CFAP43: variants seen among roughly 807,000 people sequenced by gnomAD.
The protein encoded by CFAP43 is cilia and flagella associated protein 43, also known as cilia- and flagella-associated protein 43.
A neutral mutation model predicts 218.9 loss-of-function variants in CFAP43; 155 were observed. The ratio of observed to expected loss-of-function variants is 0.71; its 90% CI spans 0.62 to 0.81. The LOEUF (loss-of-function observed/expected upper bound fraction) is 0.81. CFAP43 is among the 30% of genes least tolerant of loss of function. The pLI, the probability that CFAP43 is intolerant of heterozygous loss-of-function variation, is 0.00. For synonymous variants in CFAP43, 645 were observed against 681.3 expected (o/e 0.95, Z 0.83); for missense variants, 1,778 against 1,954.3 (o/e 0.91, Z 1.70).
In CFAP43 at chr10:104,211,996, C is replaced by T. The variant is rs2090877007; in HGVS notation, c.735+11G>A. 4 of 1,609,548 alleles carry T rather than the reference C, an allele frequency of 2.5e-6. No homozygotes were observed. In the South Asian group the frequency reaches 4.4e-5, roughly 18 times the overall value. On this transcript the variant is annotated intron_variant, in intron 5 of 37. Transcript: ENST00000357060. ...CCATTAGGCAAACAGGAAGAGGTGCCAGGTAATTACCCGGAAAGTCTCTGC... is the reference window on the plus strand; with the variant it reads ...CCATTAGGCAAACAGGAAGAGGTGCTAGGTAATTACCCGGAAAGTCTCTGC...
At chr10:104,190,029 G>A (rs781329297) in intron 12 of CFAP43, among the ~76,000 whole-genome samples, 48 of 151,854 alleles carry the variant, frequency 3.2e-4, no homozygotes, top group Non-Finnish European at 4.7e-4. Flanking sequence ...TTAGCCTGGC[G>A]CGGTGGCGGG....
intron 23 of CFAP43, among the ~76,000 whole-genome samples, chr10:104,165,294 AG>A (rs2089096819): frequency 6.6e-6 from 1 of 152,228 alleles, no homozygotes; most frequent in South Asian, 2.1e-4. Context: ...AAACCATTAA[AG>A]CAAGGTGAAA....
chr10:104,145,586 G>A, intron 30 of CFAP43, 22 bp from the exon 31 acceptor site: 1 of 1,529,666 alleles, frequency 6.5e-7, no homozygotes, highest in Non-Finnish European at 9.0e-7. Context: ...CATGACATTT[G>A]AGGACTGCAA....
chr10:104,176,150 G>A (rs1417528716), intron 19 of CFAP43, among the ~76,000 whole-genome samples: 1 of 152,076 alleles, frequency 6.6e-6, no homozygotes, highest in Non-Finnish European at 1.5e-5. Context: ...CTTGGTATTG[G>A]CTCAAGAAAA....
In CFAP43 at chr10:104,225,719, C is replaced by G. The variant is rs1413619747; in HGVS notation, c.320-162G>C. On this transcript the variant is annotated intron_variant, in intron 2 of 37. Transcript: ENST00000357060. ...CCTGGCTAATTTCTAAGACCATGAA[C>G]AGAAAGCTTAGAGCAAAGCTAAGAT... 3.9e-5 allele frequency among the ~76,000 whole-genome samples: 6 copies of G among 152,250 alleles called. No homozygotes were observed. The East Asian group carries it at 1.2e-3, about 29-fold the overall frequency.
At position 104,152,607 on chromosome 10, in the gene CFAP43, C is replaced by G; in HGVS notation, c.3660G>C (p.Gln1220His). ...RRVKAEMVTNQEELKISNLAF... is the reference protein window; with the variant it reads ...RRVKAEMVTNHEELKISNLAF... ...TCACATAAGTAAAGCTTTTATTTAC[C>G]TGGTTGGTAACCATCTCTGCCTTCA... is the stretch of plus-strand genomic sequence containing the variant. Residue 1220 changes from glutamine to histidine, a missense_variant and splice_region_variant, in exon 28 of 38, where the codon CAG (glutamine) becomes CAC (histidine). Coordinates refer to ENST00000357060, the MANE Select transcript of CFAP43 (RefSeq NM_025145.7). 6.2e-7 allele frequency: 1 copy of G among 1,613,200 alleles called. No individual in the cohort carries two copies. The highest frequency in any genetic ancestry group is 8.5e-7 in the Non-Finnish European group (1 of 1,179,680).
chr10:104,166,191 A>G (rs1251201962), intron 23 of CFAP43, among the ~76,000 whole-genome samples: 2 of 152,120 alleles, frequency 1.3e-5, no homozygotes, highest in East Asian at 3.9e-4. Context: ...TTCCTGCCTC[A>G]GCCTCCCGAG....
At position 104,143,650 on chromosome 10, in the gene CFAP43, C is replaced by T; in HGVS notation, c.3945-11G>A. 6.2e-7 allele frequency: 1 copy of T among 1,612,922 alleles called. No homozygotes were observed. Among genetic ancestry groups the T allele is most frequent in the Non-Finnish European group, 8.5e-7 (1 of 1,179,254 alleles). On this transcript the variant is annotated splice_polypyrimidine_tract_variant and intron_variant, in intron 31 of 37. Coordinates refer to ENST00000357060, the MANE Select transcript of CFAP43 (RefSeq NM_025145.7). ...TTCTGTTTGGAAATCCTGGTATTAC[C>T]AAGAAAAGCCCATCAACATTTCACA...
At chr10:104,161,293 G>T in intron 26 of CFAP43, 131 bp from the exon 27 acceptor site, 1 of 920,474 alleles carries the variant, frequency 1.1e-6, no homozygotes, top group Non-Finnish European at 1.6e-6. Flanking sequence ...AAAACGACCT[G>T]ACATCTTGGG....
At chr10:104,131,542 C>T (rs1035172159) in intron 36 of CFAP43, 58 bp from the exon 37 acceptor site, 3 of 1,513,294 alleles carry the variant, frequency 2.0e-6, no homozygotes, top group Admixed American at 2.1e-5. Flanking sequence ...TGTAATTTAT[C>T]CTATAAAGAC....
Position 104,152,587 on chromosome 10 carries a change from T to G in CFAP43, c.3660+20A>C. ...CCCTGCAAGCTCCTTAAAAGTCACA[T>G]AAGTAAAGCTTTTATTTACCTGGTT... is the stretch of plus-strand genomic sequence containing the variant. On this transcript the variant is annotated intron_variant, in intron 28 of 37. Coordinates refer to ENST00000357060, the MANE Select transcript of CFAP43 (RefSeq NM_025145.7). 6.2e-7 allele frequency: 1 copy of G among 1,612,092 alleles called. No individual in the cohort carries two copies. Among genetic ancestry groups the G allele is most frequent in the South Asian group, 1.1e-5 (1 of 90,612 alleles).
At chr10:104,165,499 AG>A (rs1395427918) in intron 23 of CFAP43, among the ~76,000 whole-genome samples, 1 of 152,208 alleles carries the variant, frequency 6.6e-6, no homozygotes, top group Non-Finnish European at 1.5e-5. Flanking sequence ...AGAAGAGGAT[AG>A]GAAGAGAGAG....
In CFAP43 at chr10:104,161,179, A is replaced by C. The variant is rs1457184322; in HGVS notation, c.3415-17T>G. 2 of 1,611,192 alleles carry C rather than the reference A, an allele frequency of 1.2e-6. No homozygotes were observed. The highest frequency in any genetic ancestry group is 1.7e-6 in the Non-Finnish European group (2 of 1,179,106). On this transcript the variant is annotated splice_polypyrimidine_tract_variant and intron_variant, in intron 26 of 37. Coordinates refer to ENST00000357060, the MANE Select transcript of CFAP43 (RefSeq NM_025145.7). The stretch of plus-strand genomic sequence containing the variant: ...AGGAATCACCTGAAGATATGAAGAA[A>C]AGCATATATTTCAGCTCAAACGTTA...
At chr10:104,203,851 T>C in intron 7 of CFAP43, 48 bp from the exon 8 acceptor site, 2 of 1,518,116 alleles carry the variant, frequency 1.3e-6, no homozygotes, top group Non-Finnish European at 1.8e-6. Context: ...AGTCAATGCA[T>C]AGTATACTTG....
chr10:104,174,803 C>T (rs1050419139), intron 19 of CFAP43, among the ~76,000 whole-genome samples: 7 of 151,916 alleles, frequency 4.6e-5, no homozygotes, highest in African/African-American at 1.7e-4. Flanking sequence ...CGCCTGTAAT[C>T]CCAGCACTTT....
At chr10:104,186,228 T>C in intron 14 of CFAP43, 105 bp from the exon 15 acceptor site, 3 of 892,320 alleles carry the variant, frequency 3.4e-6, no homozygotes, top group Non-Finnish European at 3.1e-6. Flanking sequence ...GTAAATAAAA[T>C]GATATGGCAT....
At chr10:104,163,518 T>C (rs2088987730) in intron 24 of CFAP43, among the ~76,000 whole-genome samples, 1 of 152,222 alleles carries the variant, frequency 6.6e-6, no homozygotes, top group South Asian at 2.1e-4. Flanking sequence ...TAGGCATTTA[T>C]TTCCAACTGC....
intron 34 of CFAP43, among the ~76,000 whole-genome samples, chr10:104,135,972 A>G (rs750485063): frequency 5.3e-5 from 8 of 152,288 alleles, no homozygotes; most frequent in Non-Finnish European, 1.0e-4. Flanking sequence ...GACTGAGGCC[A>G]GGCACAGTGG....
intron 8 of CFAP43, among the ~76,000 whole-genome samples, chr10:104,202,199 C>T (rs556292): frequency 0.47 from 71,736 of 152,022 alleles, 17,899 homozygotes; most frequent in African/African-American, 0.66. Flanking sequence ...CTGCACTACA[C>T]TGAAGATATT....
Sources: allele counts gnomAD v4.1 joint callset (sites outside exome capture counted in the v4.1 genomes callset), GRCh38; gene constraint gnomAD v4.1.1; transcripts MANE v1.5; gene names NCBI Gene and HGNC (gene_info 2026-07-23, HGNC 2026-07-21).